Variants in NHEJ1 observed in about 807,000 individuals in gnomAD.
The protein encoded by NHEJ1 is non-homologous end-joining factor 1.
Under a neutral mutation model 39.4 loss-of-function variants are expected in NHEJ1, and 22 were observed. That is an observed-to-expected ratio of 0.56 (90% CI 0.40 to 0.80). NHEJ1 has a LOEUF of 0.80. Among genes scored for constraint, NHEJ1 ranks in the 30% least tolerant of loss-of-function variants. The pLI, the probability that NHEJ1 is intolerant of heterozygous loss-of-function variation, is 0.00. For synonymous variants in NHEJ1, 154 were observed against 135.6 expected (o/e 1.14, Z -0.94); for missense variants, 329 against 357.1 (o/e 0.92, Z 0.63).
rs201882661 is a variant in NHEJ1, at chr2:219,159,551, G to A, written c.-1+1169C>T. Among the ~76,000 whole-genome samples, 34 of 12,446 alleles carry A rather than the reference G, an allele frequency of 2.7e-3. 1 individual carries two copies. The highest frequency in any genetic ancestry group is 6.2e-3 in the Non-Finnish European group (19 of 3,044). 8.2% of individuals were successfully genotyped at this position (12,446 alleles called of 152,430 possible). A position where few individuals can be genotyped will look rare whatever the true frequency, so the allele number is the denominator to read the frequency against. ...CATATATATATGCATATATATATAT[G>A]CATATATATATGCATATATATATGC... On this transcript the variant is annotated intron_variant, in intron 1 of 7. Transcript: ENST00000356853.
At chr2:219,102,889 C>T (rs890212786) in intron 5 of NHEJ1, among the ~76,000 whole-genome samples, 1 of 148,330 alleles carries the variant, frequency 6.7e-6, no homozygotes, top group African/African-American at 2.5e-5. Context: ...CCTGTAGTCC[C>T]AGCTACTTGG....
chr2:219,156,706 C>T (rs1949858348), intron 3 of NHEJ1, among the ~76,000 whole-genome samples: 1 of 152,184 alleles, frequency 6.6e-6, no homozygotes, highest in Non-Finnish European at 1.5e-5. Context: ...ACAAGGATAA[C>T]AGTACTTATC....
chr2:219,153,703 G>GC (rs1949821264), intron 3 of NHEJ1, among the ~76,000 whole-genome samples: 1 of 117,008 alleles, frequency 8.5e-6, no homozygotes, highest in Non-Finnish European at 1.9e-5. Context: ...GGGGGGGGGG[G>GC]TGGAGAGAGA....
At chr2:219,149,127 G>A (rs1473229632) in intron 3 of NHEJ1, among the ~76,000 whole-genome samples, 3 of 152,024 alleles carry the variant, frequency 2.0e-5, no homozygotes, top group African/African-American at 7.3e-5. Flanking sequence ...CAGGTGATCT[G>A]CCTGCCTCGG....
chr2:219,109,430 G>T (rs10175081), intron 5 of NHEJ1, among the ~76,000 whole-genome samples: 79,076 of 152,088 alleles, frequency 0.52, 23,269 homozygotes, highest in Non-Finnish European at 0.67. Flanking sequence ...CTTTAAAACT[G>T]GCCATTAAAG....
intron 5 of NHEJ1, among the ~76,000 whole-genome samples, chr2:219,118,468 T>C (rs1336876340): frequency 1.4e-5 from 2 of 146,130 alleles, no homozygotes; most frequent in African/African-American, 5.1e-5. Context: ...GGGTAGGCAG[T>C]GGGAAGATGG....
Position 219,160,805 on chromosome 2 carries a change from A to G in NHEJ1, c.-86T>C, listed in dbSNP as rs1386122710. On this transcript the variant is annotated 5_prime_UTR_variant, in exon 1 of 8. Transcript: ENST00000356853. ...CGCAAACCGAAAGGCCTAGAGTAAG[A>G]GGCCGCTTTCCCCCCACCGCAAGAG... 2.0e-5 allele frequency: 3 copies of G among 152,588 alleles called. No homozygotes were observed. The highest frequency in any genetic ancestry group is 7.2e-5 in the African/African-American group (3 of 41,600). The allele number at this position is 152,588 out of a possible 1,614,324, so 9.5% of individuals were successfully genotyped here.
At chr2:219,081,783 A>G (rs1156275724) in intron 5 of NHEJ1, among the ~76,000 whole-genome samples, 2 of 152,234 alleles carry the variant, frequency 1.3e-5, no homozygotes, top group Non-Finnish European at 2.9e-5. Context: ...TTGACACAAG[A>G]GTTCTGCAAA....
At chr2:219,088,573 T>C (rs763961512) in intron 5 of NHEJ1, among the ~76,000 whole-genome samples, 1 of 152,158 alleles carries the variant, frequency 6.6e-6, no homozygotes, top group African/African-American at 2.4e-5. Context: ...TCCATTTCTA[T>C]GAAGCTCAAA....
At chr2:219,139,077 T>A (rs552107432) in intron 5 of NHEJ1, among the ~76,000 whole-genome samples, 4 of 152,188 alleles carry the variant, frequency 2.6e-5, no homozygotes, top group African/African-American at 9.6e-5. Flanking sequence ...GTTTCGTTTC[T>A]CATTTTCTTT....
chr2:219,160,361 C>G (rs1949920999), intron 1 of NHEJ1: 1 of 152,454 alleles, frequency 6.6e-6, no homozygotes, highest in South Asian at 2.1e-4. Context: ...AGCCGCCAGG[C>G]GTCCCGCTTC....
chr2:219,158,395 C>T, intron 1 of NHEJ1, 33 bp from the exon 2 acceptor site: 1 of 1,610,292 alleles, frequency 6.2e-7, no homozygotes, highest in East Asian at 2.2e-5. Context: ...TAAAGAGCCT[C>T]AGGGTCATGC....
intron 3 of NHEJ1, among the ~76,000 whole-genome samples, chr2:219,156,201 A>G (rs1370264486): frequency 6.6e-6 from 1 of 152,186 alleles, no homozygotes; most frequent in Non-Finnish European, 1.5e-5. Context: ...GTGAGCTGAG[A>G]TCACACCACT....
intron 5 of NHEJ1, among the ~76,000 whole-genome samples, chr2:219,099,062 AG>A (rs1335355370): frequency 1.3e-5 from 2 of 152,170 alleles, no homozygotes; most frequent in African/African-American, 2.4e-5. Context: ...GTAGGATTAA[AG>A]GAATGTTGAG....
chr2:219,087,003 G>T (rs1015545510), intron 5 of NHEJ1, among the ~76,000 whole-genome samples: 1 of 152,032 alleles, frequency 6.6e-6, no homozygotes, highest in Non-Finnish European at 1.5e-5. Context: ...CTCGGGGAAC[G>T]CAAGTGGTTT....
chr2:219,120,447 TAAG>T (rs546742454), intron 5 of NHEJ1, among the ~76,000 whole-genome samples: 26 of 152,076 alleles, frequency 1.7e-4, no homozygotes, highest in Non-Finnish European at 3.2e-4. Flanking sequence ...TGAAGAAATA[TAAG>T]AAGAAGGAAT....
At chr2:219,105,360 T>A (rs968236317) in intron 5 of NHEJ1, among the ~76,000 whole-genome samples, 5 of 152,068 alleles carry the variant, frequency 3.3e-5, no homozygotes, top group African/African-American at 1.2e-4. Flanking sequence ...GGAAAGAGAC[T>A]TTTTTTAGTT....
rs1318668975 is a variant in NHEJ1 at position 219,074,635 on chromosome 2, G to A, written c.*1746C>T. ...GGCAGGCATCTAATCCCAGCTACTC[G>A]GGAGGCTGAGGCAGGAGAATCACTT... On this transcript the variant is annotated 3_prime_UTR_variant, in exon 8 of 8. Transcript: ENST00000356853. Among the ~76,000 whole-genome samples the A allele has an allele frequency of 1.3e-5, 2 of 151,894 alleles. No individual in the cohort carries two copies. The highest frequency in any genetic ancestry group is 2.9e-5 in the Non-Finnish European group (2 of 67,958).
In NHEJ1 at chr2:219,070,538, T is replaced by C. The variant is rs1483107030; in HGVS notation, c.*5843A>G. On this transcript the variant is annotated 3_prime_UTR_variant, in exon 8 of 8. Coordinates refer to ENST00000356853, the MANE Select transcript of NHEJ1 (RefSeq NM_024782.3). ...GTTTTGCAAAGACAGGGTTTCGCCATGTTGCCTAGGCTGGTCTCAAACTCC... is the reference window on the plus strand; with the variant it reads ...GTTTTGCAAAGACAGGGTTTCGCCACGTTGCCTAGGCTGGTCTCAAACTCC... 1.3e-5 allele frequency among the ~76,000 whole-genome samples: 2 copies of C among 152,208 alleles called. No homozygotes were observed. The highest frequency in any genetic ancestry group is 6.5e-5 in the Admixed American group (1 of 15,290).
Sources: allele counts gnomAD v4.1 joint callset (sites outside exome capture counted in the v4.1 genomes callset), GRCh38; gene constraint gnomAD v4.1.1; transcripts MANE v1.5; gene names NCBI Gene and HGNC (gene_info 2026-07-23, HGNC 2026-07-21).